Variants in PRR5L observed in about 807,000 individuals in gnomAD.
PRR5L encodes the protein proline-rich protein 5-like.
PRR5L carries 21 observed loss-of-function variants against 36.4 expected under a neutral mutation model. The ratio of observed to expected loss-of-function variants is 0.58; its 90% CI spans 0.41 to 0.83. The LOEUF is 0.83. Ranked by LOEUF, PRR5L falls within the 40% of genes least tolerant of loss-of-function variation. PRR5L has a pLI of 0.00. For synonymous variants in PRR5L, 188 were observed against 197.0 expected (o/e 0.95, Z 0.38); for missense variants, 381 against 473.3 (o/e 0.80, Z 1.81).
intron 1 of PRR5L, among the ~76,000 whole-genome samples, chr11:36,363,832 A>G (rs1271215024): frequency 6.6e-6 from 1 of 152,238 alleles, no homozygotes; most frequent in African/African-American, 2.4e-5. Flanking sequence ...AATTTCCAGT[A>G]GGACGAACAG....
intron 1 of PRR5L, among the ~76,000 whole-genome samples, chr11:36,331,091 C>A (rs149605262): frequency 3.9e-5 from 6 of 152,164 alleles, no homozygotes; most frequent in Non-Finnish European, 7.3e-5. Flanking sequence ...CAGGCATGAG[C>A]CACCACACCT....
intron 1 of PRR5L, among the ~76,000 whole-genome samples, chr11:36,339,853 C>T (rs1856801763): frequency 6.6e-6 from 1 of 152,206 alleles, no homozygotes. Context: ...CTTTCTTGGG[C>T]TGGGATGGCC....
At chr11:36,333,088 T>C (rs1856735313) in intron 1 of PRR5L, among the ~76,000 whole-genome samples, 1 of 152,200 alleles carries the variant, frequency 6.6e-6, no homozygotes, top group South Asian at 2.1e-4. Context: ...CTATATTCAA[T>C]AGAATTTAGC....
At chr11:36,460,435 T>C (rs1156885425) in intron 8 of PRR5L, among the ~76,000 whole-genome samples, 1 of 151,910 alleles carries the variant, frequency 6.6e-6, no homozygotes, top group Non-Finnish European at 1.5e-5. Flanking sequence ...CCACAGCTCC[T>C]CCTCCCTGCC....
chr11:36,303,670 A>G (rs1347861695), intron 1 of PRR5L, among the ~76,000 whole-genome samples: 2 of 152,196 alleles, frequency 1.3e-5, no homozygotes, highest in Admixed American at 1.3e-4. Context: ...CTAACCTGCC[A>G]TTAGCCTTGA....
chr11:36,415,269 T>C (rs11033608), intron 3 of PRR5L, among the ~76,000 whole-genome samples: 1 of 152,052 alleles, frequency 6.6e-6, no homozygotes, highest in African/African-American at 2.4e-5. Flanking sequence ...CTAGACTGGG[T>C]TCTGGTGATG....
At position 36,444,666 on chromosome 11, in the gene PRR5L, T is replaced by G. The variant is rs552437532; in HGVS notation, c.445-1634T>G. 2.0e-5 allele frequency among the ~76,000 whole-genome samples: 3 copies of G among 152,348 alleles called. No homozygotes were observed. In the South Asian group the frequency reaches 6.2e-4, roughly 32 times the overall value. On this transcript the variant is annotated intron_variant, in intron 6 of 8. Transcript: ENST00000530639. ...AGGAGGTCCTAGAATTGTTTCCTTT[T>G]GCTTTGCAGTCTTTCCTTCCCACCA...
intron 1 of PRR5L, among the ~76,000 whole-genome samples, chr11:36,364,001 C>G (rs971517448): frequency 6.6e-6 from 1 of 152,142 alleles, no homozygotes; most frequent in Non-Finnish European, 1.5e-5. Flanking sequence ...AAATAAGGCA[C>G]CTGCATGTTC....
At position 36,401,162 on chromosome 11, in the gene PRR5L, A is replaced by G. The variant is rs150695913; in HGVS notation, c.41A>G (p.His14Arg). ...GCTCCCATTCTGCCCGTCGAGTTCCACAAGATGGGCTCCTTCCGCAGGCCT... is the reference window on the plus strand; with the variant it reads ...GCTCCCATTCTGCCCGTCGAGTTCCGCAAGATGGGCTCCTTCCGCAGGCCT... ...GFAPILPVEF[H>R]KMGSFRRPRP... is the part of the protein sequence containing the mutation. Residue 14 changes from histidine to arginine, a missense_variant, in exon 2 of 9, where the codon CAC (histidine) becomes CGC (arginine). Transcript: ENST00000530639. The G allele has an allele frequency of 4.7e-4, 766 of 1,614,126 alleles. 9 individuals carry two copies. The East Asian group carries it at 0.013, about 28-fold the overall frequency.
chr11:36,333,836 C>T (rs1354604203), intron 1 of PRR5L, among the ~76,000 whole-genome samples: 1 of 152,080 alleles, frequency 6.6e-6, no homozygotes, highest in Admixed American at 6.5e-5. Context: ...CAGAACAAAT[C>T]AAATTGTACA....
chr11:36,302,764 T>C (rs1856390292), intron 1 of PRR5L, among the ~76,000 whole-genome samples: 3 of 151,888 alleles, frequency 2.0e-5, no homozygotes, highest in Admixed American at 2.0e-4. Flanking sequence ...CACTCTAGCC[T>C]GGGTGACGGA....
chr11:36,412,026 T>A (rs1424025476), intron 3 of PRR5L, among the ~76,000 whole-genome samples: 1 of 152,160 alleles, frequency 6.6e-6, no homozygotes, highest in Admixed American at 6.5e-5. Context: ...CCCATTTTAC[T>A]TGTGCAGTAA....
intron 1 of PRR5L, among the ~76,000 whole-genome samples, chr11:36,382,904 A>G (rs16928732): frequency 0.16 from 24,895 of 152,218 alleles, 2,619 homozygotes; most frequent in South Asian, 0.29. Flanking sequence ...TCTTGGGCCC[A>G]GTGAATGAAA....
At chr11:36,400,967 T>G in intron 1 of PRR5L, 30 bp from the exon 2 acceptor site, 3 of 1,412,958 alleles carry the variant, frequency 2.1e-6, no homozygotes, top group Non-Finnish European at 2.8e-6. Flanking sequence ...AGGCCAGGAG[T>G]TCTCAATAAA....
At chr11:36,323,070 G>A (rs1590440675) in intron 1 of PRR5L, among the ~76,000 whole-genome samples, 1 of 152,130 alleles carries the variant, frequency 6.6e-6, no homozygotes, top group East Asian at 1.9e-4. Context: ...TGACAGAGGA[G>A]AAATTTTGTT....
intron 1 of PRR5L, among the ~76,000 whole-genome samples, chr11:36,332,163 A>G (rs930388871): frequency 6.6e-6 from 1 of 152,182 alleles, no homozygotes; most frequent in African/African-American, 2.4e-5. Flanking sequence ...ACAGAAATCA[A>G]TAACAATAAT....
chr11:36,429,812 A>C (rs1287628095), intron 4 of PRR5L, among the ~76,000 whole-genome samples: 1 of 152,210 alleles, frequency 6.6e-6, no homozygotes, highest in African/African-American at 2.4e-5. Flanking sequence ...AGAAGCATTC[A>C]GGTGGAGTGG....
chr11:36,403,710 A>G (rs1857850275), intron 3 of PRR5L, among the ~76,000 whole-genome samples: 1 of 152,192 alleles, frequency 6.6e-6, no homozygotes, highest in Admixed American at 6.5e-5. Flanking sequence ...AATTCAGCTT[A>G]GTTGTTGGAA....
At chr11:36,442,930 C>T (rs1478211382) in intron 6 of PRR5L, among the ~76,000 whole-genome samples, 2 of 152,176 alleles carry the variant, frequency 1.3e-5, no homozygotes, top group Non-Finnish European at 2.9e-5. Flanking sequence ...CCTCCAAACT[C>T]TTCCAACCTC....
Sources: gnomAD v4.1 joint callset for allele counts (sites outside exome capture counted in the v4.1 genomes callset) on GRCh38, gnomAD v4.1.1 for gene constraint, MANE v1.5 for transcripts, NCBI Gene and HGNC (gene_info 2026-07-23, HGNC 2026-07-21) for gene names.